WRN: variants seen among roughly 807,000 people sequenced by gnomAD.
WRN encodes bifunctional 3'-5' exonuclease/ATP-dependent helicase WRN.
WRN carries 149 observed loss-of-function variants against 180.7 expected under a neutral mutation model. The observed-to-expected ratio is 0.82, with a 90% CI of 0.72 to 0.94. WRN has a LOEUF of 0.94. Among genes scored for constraint, WRN ranks in the 40% least tolerant of loss-of-function variants. The probability of loss-of-function intolerance (pLI) is 0.00; values close to 1 mark genes in which losing one functional copy is unlikely to be tolerated. For synonymous variants in WRN, 548 were observed against 568.9 expected (o/e 0.96, Z 0.52); for missense variants, 1,661 against 1,700.1 (o/e 0.98, Z 0.40).
intron 16 of WRN, among the ~76,000 whole-genome samples, chr8:31,093,269 G>A (rs770963010): frequency 4.6e-5 from 7 of 152,146 alleles, no homozygotes; most frequent in Non-Finnish European, 8.8e-5. Flanking sequence ...ACATGTCAAG[G>A]AGTGGGATGA....
chr8:31,120,955 G>A (rs1258868924), intron 21 of WRN, among the ~76,000 whole-genome samples: 2 of 151,956 alleles, frequency 1.3e-5, no homozygotes, highest in African/African-American at 4.8e-5. Context: ...GACTGTGTAT[G>A]AATCATTGTG....
In WRN at chr8:31,141,538, G is replaced by C; in HGVS notation, c.3076G>C (p.Gly1026Arg). The C allele has an allele frequency of 6.2e-7, 1 of 1,613,970 alleles. No homozygotes were observed. Among genetic ancestry groups the C allele is most frequent in the Non-Finnish European group, 8.5e-7 (1 of 1,179,984 alleles). ...TTTTTCCCGTCAGCTGATCACTGAG[G>C]GATTCTTGGTAGAAGTTTCTCGGTA... ...KAFSRQLITE[G>R]FLVEVSRYNK... Residue 1026 changes from glycine to arginine, a missense_variant, in exon 25 of 35, where the codon GGA becomes CGA. Physicochemically the swap from Gly to Arg is moderately radical, Grantham distance 125 (BLOSUM62 -2). Transcript: ENST00000298139.
intron 24 of WRN, among the ~76,000 whole-genome samples, chr8:31,139,172 A>G (rs1000488592): frequency 1.3e-5 from 2 of 152,180 alleles, no homozygotes; most frequent in Admixed American, 1.3e-4. Flanking sequence ...TCAATTCAAT[A>G]AAACCATTAC....
chr8:31,035,887 G>A lies in WRN; in HGVS notation c.-77+1914G>A, dbSNP rs1412564628. Among the ~76,000 whole-genome samples, 8 of 152,122 alleles carry A rather than the reference G, an allele frequency of 5.3e-5. No homozygotes were observed. In the East Asian group the frequency reaches 1.5e-3, roughly 29 times the overall value. On this transcript the variant is annotated intron_variant, in intron 1 of 34. Transcript: ENST00000298139. ...CAAAAGAGAATCTCCATAACCATTA[G>A]TACTCAATCCCACCCGCTTTCCTAG...
rs72226104 is a variant in WRN, at chr8:31,049,210, C to CAAAA, written c.-76-9138_-76-9135dup. Among the ~76,000 whole-genome samples the CAAAA allele has an allele frequency of 2.6e-3, 83 of 31,618 alleles. 3 individuals are homozygous for CAAAA. The highest frequency in any genetic ancestry group is 3.2e-3 in the Admixed American group (5 of 1,572). 20.7% of individuals were successfully genotyped at this position (31,618 alleles called of 152,430 possible). A position where few individuals can be genotyped will look rare whatever the true frequency, so the allele number is the denominator to read the frequency against. On this transcript the variant is annotated intron_variant, in intron 1 of 34. Transcript: ENST00000298139. ...TGGGCGACAGTGCGAGACTCTGTCT[C>CAAAA]AAAAAAAAAAAAAAAAAAAAAAAAA...
chr8:31,130,696 A>G (rs762618187), intron 23 of WRN, among the ~76,000 whole-genome samples: 21 of 150,928 alleles, frequency 1.4e-4, no homozygotes, highest in Non-Finnish European at 2.7e-4. Context: ...TCTTGGAGTT[A>G]TTATTACTAG....
intron 1 of WRN, among the ~76,000 whole-genome samples, chr8:31,047,042 T>C (rs1028000356): frequency 1.3e-5 from 2 of 152,192 alleles, no homozygotes; most frequent in Admixed American, 6.5e-5. Flanking sequence ...AGTTTCTTTT[T>C]TACCAGTCTC....
At chr8:31,047,738 G>T (rs192075382) in intron 1 of WRN, among the ~76,000 whole-genome samples, 32 of 152,288 alleles carry the variant, frequency 2.1e-4, no homozygotes, top group East Asian at 5.8e-4. Context: ...TTTTTAAATT[G>T]ACTTACTTGA....
At position 31,060,219 on chromosome 8, in the gene WRN, C is replaced by T. The variant is rs79067831; in HGVS notation, c.209+954C>T. 1.1e-3 allele frequency among the ~76,000 whole-genome samples: 170 copies of T among 152,082 alleles called. 1 individual carries two copies. In the South Asian group the frequency reaches 0.018, roughly 16 times the overall value. ...ATAAGGAATTCATTCAGATATTTTC[C>T]GAGGTGGTTATACCTGTCTTTTAAA... On this transcript the variant is annotated intron_variant, in intron 3 of 34. Coordinates refer to ENST00000298139, the MANE Select transcript of WRN (RefSeq NM_000553.6).
intron 5 of WRN, 134 bp downstream of exon 5, chr8:31,065,197 C>G: frequency 1.2e-6 from 1 of 858,406 alleles, no homozygotes; most frequent in Non-Finnish European, 1.8e-6. Flanking sequence ...AAAAAAGTTC[C>G]AAGTGAATGT....
intron 24 of WRN, among the ~76,000 whole-genome samples, chr8:31,134,014 C>T (rs554924906): frequency 1.3e-5 from 2 of 152,258 alleles, no homozygotes; most frequent in African/African-American, 4.8e-5. Flanking sequence ...ACAGTCTCTT[C>T]TGGGAGTCCT....
intron 33 of WRN, among the ~76,000 whole-genome samples, chr8:31,166,317 G>C (rs1262553769): frequency 6.6e-6 from 1 of 152,136 alleles, no homozygotes. Context: ...AGAATGTGAT[G>C]TTGGAAGGAA....
chr8:31,153,535 G>A (rs994224363), intron 31 of WRN, among the ~76,000 whole-genome samples: 1 of 152,162 alleles, frequency 6.6e-6, no homozygotes, highest in Non-Finnish European at 1.5e-5. Flanking sequence ...AATCTCCACT[G>A]CTAGGGTTAT....
intron 20 of WRN, among the ~76,000 whole-genome samples, chr8:31,118,808 A>T (rs180774676): frequency 9.5e-4 from 144 of 151,906 alleles, no homozygotes; most frequent in African/African-American, 3.3e-3. Flanking sequence ...TTTAATCCTC[A>T]CTTTTATTAG....
chr8:31,125,697 C>T (rs1801904272), intron 23 of WRN, among the ~76,000 whole-genome samples: 2 of 149,900 alleles, frequency 1.3e-5, no homozygotes. Context: ...GCTGGAAACT[C>T]AGGCAAGAGG....
intron 20 of WRN, 77 bp downstream of exon 20, chr8:31,116,605 C>G (rs1403984902): frequency 3.8e-6 from 6 of 1,573,410 alleles, no homozygotes. Context: ...TTTACCAGAT[C>G]TTTATTGAAT....
chr8:31,080,342 T>C (rs1441320156), intron 8 of WRN, among the ~76,000 whole-genome samples: 2 of 152,174 alleles, frequency 1.3e-5, no homozygotes, highest in Non-Finnish European at 2.9e-5. Flanking sequence ...TCCAATTCTT[T>C]AAGACAGAGT....
intron 12 of WRN, 28 bp downstream of exon 12, chr8:31,087,948 C>T (rs2130158115): frequency 1.9e-6 from 3 of 1,606,210 alleles, no homozygotes; most frequent in Middle Eastern, 1.7e-4. Context: ...TTTGAAATGA[C>T]TCACCTGTGA....
Position 31,146,927 on chromosome 8 carries a change from T to C in WRN, c.3384-126T>C, listed in dbSNP as rs17652261. 182,113 of 740,898 alleles carry C rather than the reference T, an allele frequency of 0.25. 23,621 individuals are homozygous for C. Among genetic ancestry groups the C allele is most frequent in the South Asian group, 0.28 (14,162 of 51,002 alleles). The allele number at this position is 740,898 out of a possible 1,614,324, so 45.9% of individuals were successfully genotyped here. A position where few individuals can be genotyped will look rare whatever the true frequency, so the allele number is the denominator to read the frequency against. On this transcript the variant is annotated intron_variant, in intron 28 of 34. Transcript: ENST00000298139. Reference sequence around the variant, plus strand: ...TTGTCATTTAAATAACAAATTACCTTACTGGTATCATGAAGAATAAATGTT... The same window carrying C: ...TTGTCATTTAAATAACAAATTACCTCACTGGTATCATGAAGAATAAATGTT...
Sources: allele counts gnomAD v4.1 joint callset (sites outside exome capture counted in the v4.1 genomes callset), GRCh38; gene constraint gnomAD v4.1.1; transcripts MANE v1.5; gene names NCBI Gene and HGNC (gene_info 2026-07-23, HGNC 2026-07-21).